RBFOX1: variants seen among roughly 807,000 people sequenced by gnomAD.
The protein encoded by RBFOX1 is RNA binding fox-1 homolog 1, also known as RNA binding protein fox-1 homolog 1.
A neutral mutation model predicts 57.7 loss-of-function variants in RBFOX1; 8 were observed. That is an observed-to-expected ratio of 0.14 (90% CI 0.08 to 0.25). The LOEUF (loss-of-function observed/expected upper bound fraction) is 0.25. RBFOX1 is among the 10% of genes least tolerant of loss of function. The pLI is 1.00. For synonymous variants in RBFOX1, 326 were observed against 222.4 expected, an observed-to-expected ratio of 1.47 and a Z score of -4.15; for missense variants, 611 against 548.5, an observed-to-expected ratio of 1.11 and a Z score of -1.14.
At chr16:6,311,571 G>A (rs1294111702) in intron 1 of RBFOX1, among the ~76,000 whole-genome samples, 4 of 152,186 alleles carry the variant, frequency 2.6e-5, no homozygotes, top group Non-Finnish European at 4.4e-5. Context: ...ACCCATGACT[G>A]TCCTTAGAAA....
chr16:6,495,012 T>C (rs1471656327), intron 2 of RBFOX1, among the ~76,000 whole-genome samples: 4 of 152,224 alleles, frequency 2.6e-5, no homozygotes, highest in Admixed American at 6.5e-5. Flanking sequence ...AATGGTTAAG[T>C]AACTTGCCCA....
chr16:7,193,587 C>T (rs778724671), intron 4 of RBFOX1, among the ~76,000 whole-genome samples: 11 of 152,166 alleles, frequency 7.2e-5, no homozygotes, highest in Admixed American at 3.9e-4. Context: ...CATGCATTAC[C>T]GTCCTTGATC....
chr16:7,620,770 A>G (rs2059189908), intron 10 of RBFOX1, among the ~76,000 whole-genome samples: 1 of 152,182 alleles, frequency 6.6e-6, no homozygotes, highest in South Asian at 2.1e-4. Context: ...TAGCTTTGAG[A>G]GAGAGTGTCT....
At chr16:6,874,079 G>T (rs1333572093) in intron 3 of RBFOX1, 1 of 152,130 alleles carries the variant, frequency 6.6e-6, no homozygotes, top group South Asian at 2.1e-4. Flanking sequence ...AAAGACACTT[G>T]CACATGCATG....
chr16:6,163,332 G>T (rs540926770), intron 1 of RBFOX1, among the ~76,000 whole-genome samples: 1 of 152,290 alleles, frequency 6.6e-6, no homozygotes, highest in African/African-American at 2.4e-5. Flanking sequence ...GATGAAAGAT[G>T]AACAGCTTTT....
At position 5,461,289 on chromosome 16, in the gene RBFOX1, T is replaced by G. The variant is rs577672084; in HGVS notation, c.220-5927T>G. On this transcript the variant is annotated intron_variant, in intron 1 of 2. Coordinates refer to the RBFOX1 transcript ENST00000585867. Reference sequence around the variant, plus strand: ...TGGTTTATTAATTCAAGAGTGCAATTAGAGGCTCGATGATCTGCCCCGCAC... The same window carrying G: ...TGGTTTATTAATTCAAGAGTGCAATGAGAGGCTCGATGATCTGCCCCGCAC... 5.3e-5 allele frequency among the ~76,000 whole-genome samples: 8 copies of G among 152,288 alleles called. No homozygotes were observed. In the South Asian group the frequency reaches 1.2e-3, roughly 24 times the overall value.
chr16:6,900,136 T>C (rs898294117), intron 3 of RBFOX1, among the ~76,000 whole-genome samples: 1 of 150,244 alleles, frequency 6.7e-6, no homozygotes, highest in Non-Finnish European at 1.5e-5. Flanking sequence ...TCTTTAGTTA[T>C]TGCTGGTGGT....
intron 4 of RBFOX1, among the ~76,000 whole-genome samples, chr16:5,942,554 A>G (rs993743485): frequency 2.0e-5 from 3 of 152,198 alleles, no homozygotes; most frequent in Non-Finnish European, 2.9e-5. Context: ...TTATCGTTTA[A>G]TTATGCCTAC....
chr16:5,316,507 A>T (rs932174020), intron 1 of RBFOX1, among the ~76,000 whole-genome samples: 2 of 152,188 alleles, frequency 1.3e-5, no homozygotes, highest in Non-Finnish European at 2.9e-5. Flanking sequence ...CTCCACAACG[A>T]TAAACGTGCT....
chr16:7,207,905 C>T (rs903399603), intron 4 of RBFOX1, among the ~76,000 whole-genome samples: 1 of 152,146 alleles, frequency 6.6e-6, no homozygotes, highest in Non-Finnish European at 1.5e-5. Context: ...AGTTGAACTC[C>T]ACAGGGTGCA....
intron 3 of RBFOX1, among the ~76,000 whole-genome samples, chr16:5,691,467 G>A (rs2050678465): frequency 6.6e-6 from 1 of 152,166 alleles, no homozygotes; most frequent in African/African-American, 2.4e-5. Flanking sequence ...TTAATTCAAT[G>A]TTCATGGCAA....
At position 7,022,213 on chromosome 16, in the gene RBFOX1, C is replaced by A. The variant is rs550382386; in HGVS notation, c.-15-29844C>A. ...TGAGTAGCTGGGACTACAGACACAC[C>A]CCTAATTTTTGTATTCTTTGGTAGA... On this transcript the variant is annotated intron_variant, in intron 3 of 15. Transcript: ENST00000550418. Among the ~76,000 whole-genome samples, 4 of 149,978 alleles carry A rather than the reference C, an allele frequency of 2.7e-5. No individual in the cohort carries two copies. The South Asian group carries it at 8.6e-4, about 32-fold the overall frequency.
At chr16:6,510,303 G>A (rs568982801) in intron 2 of RBFOX1, among the ~76,000 whole-genome samples, 2 of 152,226 alleles carry the variant, frequency 1.3e-5, no homozygotes, top group South Asian at 2.1e-4. Flanking sequence ...GTCACCTCAA[G>A]TTGAAGTGTT....
intron 3 of RBFOX1, among the ~76,000 whole-genome samples, chr16:6,860,666 G>A (rs926419470): frequency 5.9e-5 from 9 of 152,152 alleles, no homozygotes; most frequent in African/African-American, 2.2e-4. Context: ...TAGGGAAATA[G>A]AAGATAAATT....
chr16:5,396,173 T>A (rs796466501), intron 1 of RBFOX1, among the ~76,000 whole-genome samples: 8 of 152,346 alleles, frequency 5.3e-5, no homozygotes, highest in Admixed American at 1.3e-4. Context: ...TTAATACTTA[T>A]GCTAAATAGG....
chr16:7,234,841 A>G (rs2093689821), intron 4 of RBFOX1, among the ~76,000 whole-genome samples: 1 of 152,076 alleles, frequency 6.6e-6, no homozygotes, highest in African/African-American at 2.4e-5. Context: ...TGGTACGTGG[A>G]TGTTTTTTAG....
chr16:6,289,310 G>T (rs2077219227), intron 1 of RBFOX1, among the ~76,000 whole-genome samples: 1 of 152,016 alleles, frequency 6.6e-6, no homozygotes, highest in Admixed American at 6.6e-5. Flanking sequence ...GGATATAGGT[G>T]TTATTCTTTG....
chr16:7,287,474 T>C, intron 4 of RBFOX1, among the ~76,000 whole-genome samples: 1 of 152,204 alleles, frequency 6.6e-6, no homozygotes, highest in East Asian at 1.9e-4. Context: ...TGCAAGCTGA[T>C]CCTTGGTGGA....
chr16:7,207,791 A>G (rs994006264), intron 4 of RBFOX1, among the ~76,000 whole-genome samples: 4 of 152,192 alleles, frequency 2.6e-5, no homozygotes, highest in African/African-American at 9.7e-5. Flanking sequence ...AGCTTCTCCT[A>G]GAATGTGCAG....
Sources: allele counts gnomAD v4.1 joint callset (sites outside exome capture counted in the v4.1 genomes callset), GRCh38; gene constraint gnomAD v4.1.1; transcripts MANE v1.5; gene names NCBI Gene and HGNC (gene_info 2026-07-23, HGNC 2026-07-21).